G3BP2: variants seen among roughly 807,000 people sequenced by gnomAD.
The protein encoded by G3BP2 is G3BP stress granule assembly factor 2.
Under a neutral mutation model 56.7 loss-of-function variants are expected in G3BP2, and 11 were observed. The ratio of observed to expected loss-of-function variants is 0.19; its 90% CI spans 0.12 to 0.32. The LOEUF (loss-of-function observed/expected upper bound fraction) is 0.32. G3BP2 is among the 10% of genes least tolerant of loss of function. The pLI is 1.00. For missense variants in G3BP2, 340 were observed against 610.9 expected, an observed-to-expected ratio of 0.56 and a Z score of 4.67; for synonymous variants, 165 against 191.6, an observed-to-expected ratio of 0.86 and a Z score of 1.15.
At chr4:75,685,916 G>A (rs1303907085) in intron 3 of G3BP2, among the ~76,000 whole-genome samples, 1 of 152,144 alleles carries the variant, frequency 6.6e-6, no homozygotes, top group Non-Finnish European at 1.5e-5. Context: ...GAAGAAAAAT[G>A]TCCAGTGTAA....
Position 75,645,411 on chromosome 4 carries a change from C to A in G3BP2, c.*19G>T. 6.2e-7 allele frequency: 1 copy of A among 1,605,782 alleles called. No individual in the cohort carries two copies. The highest frequency in any genetic ancestry group is 8.5e-7 in the Non-Finnish European group (1 of 1,175,094). ...GATGAATAATGTACCACTGCCAAGA[C>A]TTTGCCAACAGTGGAGCTTCAGCGA... is the stretch of plus-strand genomic sequence containing the variant. On this transcript the variant is annotated 3_prime_UTR_variant, in exon 12 of 12. Transcript: ENST00000359707.
intron 10 of G3BP2, 132 bp from the exon 11 acceptor site, chr4:75,646,588 G>A (rs566638700): frequency 4.5e-6 from 3 of 660,656 alleles, no homozygotes; most frequent in East Asian, 2.7e-5. Flanking sequence ...TCTACACACA[G>A]TGATAGCCAA....
At chr4:75,662,292 A>G (rs952719669) in intron 1 of G3BP2, 8 of 257,208 alleles carry the variant, frequency 3.1e-5, no homozygotes, top group Non-Finnish European at 5.9e-5. Flanking sequence ...GCGCAATCTC[A>G]GCTCACTGCA....
chr4:75,673,052 A>G (rs760048932), intron 1 of G3BP2, 156 bp downstream of exon 1: 44 of 998,244 alleles, frequency 4.4e-5, no homozygotes, highest in Non-Finnish European at 5.2e-5. Flanking sequence ...TCACGCACAC[A>G]CGGCACCGTA....
chr4:75,645,796 TA>T (rs1731170133), intron 11 of G3BP2, 94 bp from the exon 12 acceptor site: 1 of 1,170,228 alleles, frequency 8.5e-7, no homozygotes. Context: ...GCATAAGGAA[TA>T]AAACACTTTT....
chr4:75,697,299 AAAG>A lies in G3BP2; in HGVS notation c.-25+23575_-25+23577del, dbSNP rs1478444776. Among the ~76,000 whole-genome samples the A allele has an allele frequency of 5.2e-3, 254 of 48,844 alleles. 49 individuals carry two copies. Among genetic ancestry groups the A allele is most frequent in the African/African-American group, 0.014 (126 of 9,196 alleles). 32.0% of individuals were successfully genotyped at this position (48,844 alleles called of 152,430 possible). On this transcript the variant is annotated intron_variant, in intron 3 of 3. Transcript: ENST00000499709. The stretch of plus-strand genomic sequence containing the variant: ...AAAAAAAAAAAAAAAAAAAAAAAAA[AAAG>A]ATCATGAAATTGAGGTGTTTTGTTG...
chr4:75,695,380 G>A (rs1285245696), intron 3 of G3BP2, among the ~76,000 whole-genome samples: 1 of 152,202 alleles, frequency 6.6e-6, no homozygotes, highest in Non-Finnish European at 1.5e-5. Flanking sequence ...TCTGTGCCTG[G>A]AGGTGACAGG....
At chr4:75,685,983 AC>A (rs897927220) in intron 3 of G3BP2, among the ~76,000 whole-genome samples, 7 of 152,214 alleles carry the variant, frequency 4.6e-5, no homozygotes, top group African/African-American at 1.4e-4. Context: ...AAGTGTGTGC[AC>A]ATACACCACA....
chr4:75,722,132 C>G (rs991756940), intron 2 of G3BP2, among the ~76,000 whole-genome samples: 1 of 152,082 alleles, frequency 6.6e-6, no homozygotes, highest in Non-Finnish European at 1.5e-5. Context: ...ATATGTAACT[C>G]TTCCTCTGAA....
At chr4:75,669,959 T>G (rs1005220985) in intron 1 of G3BP2, among the ~76,000 whole-genome samples, 1 of 152,186 alleles carries the variant, frequency 6.6e-6, no homozygotes, top group Admixed American at 6.5e-5. Flanking sequence ...CCGTGTGCAG[T>G]GGCGGGCGCC....
intron 1 of G3BP2, among the ~76,000 whole-genome samples, chr4:75,723,572 G>C (rs1490077523): frequency 6.6e-6 from 1 of 152,226 alleles, no homozygotes; most frequent in Non-Finnish European, 1.5e-5. Context: ...GAAAGCCAGA[G>C]TCTAAGATTC....
intron 1 of G3BP2, among the ~76,000 whole-genome samples, chr4:75,665,549 C>T (rs1408353548): frequency 6.6e-6 from 1 of 151,994 alleles, no homozygotes; most frequent in Non-Finnish European, 1.5e-5. Context: ...AGCTGAAGAC[C>T]AGCCTGGGCA....
intron 1 of G3BP2, among the ~76,000 whole-genome samples, chr4:75,669,434 C>T (rs1733309806): frequency 6.6e-6 from 1 of 152,174 alleles, no homozygotes; most frequent in Admixed American, 6.5e-5. Flanking sequence ...TTTTCACTCC[C>T]ACTGTTCAGA....
At chr4:75,661,703 A>C (rs919999497) in intron 2 of G3BP2, 1 of 441,828 alleles carries the variant, frequency 2.3e-6, no homozygotes, top group African/African-American at 2.0e-5. Context: ...GTGTGCATAT[A>C]TAGATATGAA....
At chr4:75,706,159 T>G (rs1332320775) in intron 3 of G3BP2, among the ~76,000 whole-genome samples, 1 of 152,198 alleles carries the variant, frequency 6.6e-6, no homozygotes, top group Non-Finnish European at 1.5e-5. Flanking sequence ...AGGTGAGTGC[T>G]TTGGAAACTC....
chr4:75,646,992 T>C, intron 10 of G3BP2, 37 bp downstream of exon 10: 1 of 1,375,444 alleles, frequency 7.3e-7, no homozygotes, highest in Non-Finnish European at 1.0e-6. Context: ...TAATTTAAAA[T>C]AATTTAAAAA....
At chr4:75,697,931 C>CCCAA (rs1719188583) in intron 3 of G3BP2, among the ~76,000 whole-genome samples, 1 of 52,588 alleles carries the variant, frequency 1.9e-5, no homozygotes, top group Non-Finnish European at 3.8e-5. Flanking sequence ...GAAACTTCAT[C>CCCAA]TCAAACAAAC....
chr4:75,692,926 T>C (rs1718927705), intron 3 of G3BP2, among the ~76,000 whole-genome samples: 1 of 152,154 alleles, frequency 6.6e-6, no homozygotes, highest in African/African-American at 2.4e-5. Flanking sequence ...TTCAAAACGT[T>C]TCTGAACTGA....
chr4:75,713,513 T>G (rs972784367), intron 3 of G3BP2, among the ~76,000 whole-genome samples: 3 of 152,206 alleles, frequency 2.0e-5, no homozygotes, highest in Non-Finnish European at 4.4e-5. Context: ...CAGGGAGTGG[T>G]GGATCCTGCC....
Sources: gnomAD v4.1 joint callset for allele counts (sites outside exome capture counted in the v4.1 genomes callset) on GRCh38, gnomAD v4.1.1 for gene constraint, MANE v1.5 for transcripts, NCBI Gene and HGNC (gene_info 2026-07-23, HGNC 2026-07-21) for gene names.